Variants in DLG2 observed in about 807,000 individuals in gnomAD.
DLG2 encodes disks large homolog 2.
DLG2 carries 45 observed loss-of-function variants against 132.5 expected under a neutral mutation model. The ratio of observed to expected loss-of-function variants is 0.34; its 90% CI spans 0.27 to 0.44. The LOEUF (loss-of-function observed/expected upper bound fraction) is 0.44, where lower values mean the gene tolerates loss of function less well. Ranked by LOEUF, DLG2 falls within the 20% of genes least tolerant of loss-of-function variation. The pLI is 1.00. For synonymous variants in DLG2, 424 were observed against 419.6 expected (o/e 1.01, Z -0.13); for missense variants, 1,045 against 1,196.9 (o/e 0.87, Z 1.87).
chr11:85,500,559 AAT>A (rs374757840), intron 3 of DLG2, among the ~76,000 whole-genome samples: 97,649 of 128,790 alleles, frequency 0.76, 35,910 homozygotes, highest in Middle Eastern at 0.84. Flanking sequence ...ATAAAAATAA[AAT>A]AAATAAATAA....
chr11:84,827,731 G>A (rs547740699), intron 6 of DLG2, among the ~76,000 whole-genome samples: 1 of 116,300 alleles, frequency 8.6e-6, no homozygotes, highest in East Asian at 2.4e-4. Flanking sequence ...TAGAGACTTT[G>A]AAACAAAGAC....
At chr11:83,948,933 C>T (rs992769629) in intron 14 of DLG2, among the ~76,000 whole-genome samples, 3 of 152,142 alleles carry the variant, frequency 2.0e-5, no homozygotes, top group Non-Finnish European at 4.4e-5. Context: ...TCTGCTTACT[C>T]ATGCATAAAG....
chr11:83,796,572 G>C (rs893171690), intron 17 of DLG2, among the ~76,000 whole-genome samples: 1 of 151,922 alleles, frequency 6.6e-6, no homozygotes, highest in African/African-American at 2.4e-5. Context: ...TCTATTTTTT[G>C]TTATCTCTTA....
At chr11:85,303,567 T>C (rs79919439) in intron 3 of DLG2, among the ~76,000 whole-genome samples, 1 of 152,188 alleles carries the variant, frequency 6.6e-6, no homozygotes, top group Non-Finnish European at 1.5e-5. Flanking sequence ...CATAGCTATG[T>C]GTTGTGTTCA....
chr11:85,033,108 T>TA (rs2061160330), intron 6 of DLG2, among the ~76,000 whole-genome samples: 3 of 152,116 alleles, frequency 2.0e-5, no homozygotes, highest in Admixed American at 6.5e-5. Flanking sequence ...TCCCAACAGA[T>TA]AAAAAAATAA....
chr11:84,228,433 C>T (rs917193797), intron 8 of DLG2, among the ~76,000 whole-genome samples: 1 of 152,188 alleles, frequency 6.6e-6, no homozygotes, highest in Non-Finnish European at 1.5e-5. Flanking sequence ...AGACTTTAAT[C>T]AGAATTTTAC....
At chr11:84,676,678 G>T (rs2099711860) in intron 6 of DLG2, among the ~76,000 whole-genome samples, 1 of 152,046 alleles carries the variant, frequency 6.6e-6, no homozygotes, top group African/African-American at 2.4e-5. Context: ...TGTACTACCT[G>T]TGGCAAATAC....
At chr11:83,925,763 T>C (rs1469174026) in intron 15 of DLG2, among the ~76,000 whole-genome samples, 1 of 152,136 alleles carries the variant, frequency 6.6e-6, no homozygotes, top group Non-Finnish European at 1.5e-5. Context: ...GGACCTTTTA[T>C]GTAAAAGGAC....
At chr11:84,392,878 C>T (rs1431938753) in intron 7 of DLG2, among the ~76,000 whole-genome samples, 4 of 152,238 alleles carry the variant, frequency 2.6e-5, no homozygotes, top group African/African-American at 7.2e-5. Context: ...TTCGGCTGGG[C>T]TTCTTTGTAA....
chr11:84,153,870 G>A (rs1476932420), intron 9 of DLG2, among the ~76,000 whole-genome samples: 2 of 152,214 alleles, frequency 1.3e-5, no homozygotes, highest in Non-Finnish European at 2.9e-5. Flanking sequence ...GGAAGCTGTT[G>A]CAATTATTTG....
At chr11:83,523,725 C>T (rs1488941942) in intron 21 of DLG2, among the ~76,000 whole-genome samples, 1 of 152,140 alleles carries the variant, frequency 6.6e-6, no homozygotes, top group African/African-American at 2.4e-5. Context: ...CAATGGTTCT[C>T]CAAAGCAGTA....
intron 18 of DLG2, among the ~76,000 whole-genome samples, chr11:83,748,680 G>A (rs1359461634): frequency 4.6e-5 from 7 of 152,184 alleles, no homozygotes; most frequent in Non-Finnish European, 8.8e-5. Context: ...TCACAGTAAT[G>A]CCTGCTTACA....
intron 6 of DLG2, chr11:84,936,755 G>A (rs984140103): frequency 6.6e-6 from 1 of 152,156 alleles, no homozygotes; most frequent in African/African-American, 2.4e-5. Context: ...AGAAATGAGT[G>A]CGGAAAAGCA....
chr11:84,810,058 T>C (rs907395599), intron 6 of DLG2, among the ~76,000 whole-genome samples: 2 of 152,048 alleles, frequency 1.3e-5, no homozygotes, highest in South Asian at 4.1e-4. Context: ...TCTTATGATA[T>C]AAAATTTAAC....
At chr11:84,345,216 A>C (rs2098534005) in intron 7 of DLG2, among the ~76,000 whole-genome samples, 1 of 152,206 alleles carries the variant, frequency 6.6e-6, no homozygotes, top group Non-Finnish European at 1.5e-5. Context: ...AGCAGGAACA[A>C]ATTTTATGCT....
intron 17 of DLG2, among the ~76,000 whole-genome samples, chr11:83,820,465 T>A (rs1212329806): frequency 6.6e-6 from 1 of 152,186 alleles, no homozygotes; most frequent in Non-Finnish European, 1.5e-5. Flanking sequence ...ATCAATGCTA[T>A]CAGCCACATT....
chr11:83,907,738 T>C (rs939606333), intron 15 of DLG2, among the ~76,000 whole-genome samples: 1 of 152,118 alleles, frequency 6.6e-6, no homozygotes, highest in Non-Finnish European at 1.5e-5. Context: ...AAAATCACAC[T>C]CAGGAAATGT....
chr11:85,627,865 G>A (rs1192611234), upstream of DLG2: 1 of 152,656 alleles, frequency 6.6e-6, no homozygotes, highest in Non-Finnish European at 1.5e-5. Flanking sequence ...TTTGGCTTCT[G>A]TAAGACATGG....
intron 6 of DLG2, among the ~76,000 whole-genome samples, chr11:84,937,254 C>T (rs973403144): frequency 2.0e-5 from 3 of 152,062 alleles, no homozygotes; most frequent in African/African-American, 7.2e-5. Flanking sequence ...CTTACTACAT[C>T]CCAGGCTTTC....
Sources: gnomAD v4.1 joint callset for allele counts (sites outside exome capture counted in the v4.1 genomes callset) on GRCh38, gnomAD v4.1.1 for gene constraint, MANE v1.5 for transcripts, NCBI Gene and HGNC (gene_info 2026-07-23, HGNC 2026-07-21) for gene names.